Variants in ATMIN observed in about 807,000 individuals in gnomAD.
The protein encoded by ATMIN is ATM INteracting protein.
ATMIN carries 24 observed loss-of-function variants against 49.2 expected under a neutral mutation model. The ratio of observed to expected loss-of-function variants is 0.49; its 90% CI spans 0.35 to 0.69. ATMIN has a LOEUF of 0.69. ATMIN is among the 30% of genes least tolerant of loss of function. The probability of loss-of-function intolerance (pLI) is 0.00; values close to 1 mark genes in which losing one functional copy is unlikely to be tolerated. For missense variants in ATMIN, 1,037 were observed against 1,005.5 expected, an observed-to-expected ratio of 1.03 and a Z score of -0.42; for synonymous variants, 450 against 392.5, an observed-to-expected ratio of 1.15 and a Z score of -1.73.
At chr16:81,043,033 A>G in intron 3 of ATMIN, 128 bp from the exon 4 acceptor site, 4 of 1,177,222 alleles carry the variant, frequency 3.4e-6, no homozygotes, top group Non-Finnish European at 4.7e-6. Context: ...GAATGGATTT[A>G]TCTTGTCTGG....
chr16:81,037,404 C>A, intron 1 of ATMIN: 1 of 985,408 alleles, frequency 1.0e-6, no homozygotes, highest in Non-Finnish European at 1.2e-6. Flanking sequence ...TCTGCTCTTA[C>A]CACCATCTAA....
At chr16:81,037,547 C>T (rs1381405105) in intron 1 of ATMIN, 1 of 948,340 alleles carries the variant, frequency 1.1e-6, no homozygotes, top group Non-Finnish European at 1.3e-6. Context: ...TTTCAGCACT[C>T]AAGTGTAACT....
intron 1 of ATMIN, chr16:81,037,426 A>G (rs1159829632): frequency 3.0e-6 from 3 of 985,482 alleles, no homozygotes; most frequent in African/African-American, 1.7e-5. Context: ...CCGGGATGCA[A>G]CAACGTTCTC....
rs777497204 is a variant in ATMIN at position 81,036,169 on chromosome 16, C to A, written c.299C>A (p.Ala100Glu). 2.0e-6 allele frequency: 3 copies of A among 1,475,138 alleles called. No individual in the cohort carries two copies. The highest frequency in any genetic ancestry group is 1.8e-6 in the Non-Finnish European group (2 of 1,107,898). 91.4% of individuals were successfully genotyped at this position (1,475,138 alleles called of 1,614,324 possible). A position where few individuals can be genotyped will look rare whatever the true frequency, so the allele number is the denominator to read the frequency against. Residue 100 changes from alanine (A) to glutamate (E), a missense_variant, in exon 1 of 4, where the codon GCG (alanine) becomes GAG (glutamate). Transcript: ENST00000299575. ...GGCAAGATCCTGCCCAACAGCCCCG[C>A]GCTCAACATGCACCTAGTCAAGAGC... ...GCGKILPNSP[A>E]LNMHLVKSHR... is the part of the protein sequence containing the mutation.
intron 2 of ATMIN, 63 bp from the exon 3 acceptor site, chr16:81,042,218 G>C: frequency 7.1e-7 from 1 of 1,408,594 alleles, no homozygotes; most frequent in South Asian, 1.2e-5. Flanking sequence ...GGTGTATGAT[G>C]GTTTCTGAAA....
rs1477937067 is a variant in ATMIN at position 81,044,036 on chromosome 16, T to A, written c.1538T>A (p.Met513Lys). 1.2e-6 allele frequency: 2 copies of A among 1,614,246 alleles called. No individual in the cohort carries two copies. Among genetic ancestry groups the A allele is most frequent in the Admixed American group, 3.3e-5 (2 of 60,028 alleles). Residue 513 changes from methionine to lysine, a missense_variant, in exon 4 of 4, where the codon ATG (methionine) becomes AAG (lysine). Met to Lys is a moderately conservative substitution (Grantham distance 95). Transcript: ENST00000299575. ...CATGTACAGATGGACCAAGCTGGAA[T>A]GTGCGGAGACATTTTTGAGAGTGTT... is the stretch of plus-strand genomic sequence containing the variant. ...DDHVQMDQAGMCGDIFESVHS... is the reference protein window; with the variant it reads ...DDHVQMDQAGKCGDIFESVHS...
rs557093743 is a variant in ATMIN, at chr16:81,040,460, T to G, written c.337-896T>G. Reference sequence around the variant, plus strand: ...ACTTAGACTGTCTTCAGTGGTCTCTTACCCAGGCATGATAGTTTTGGCTTA... The same window carrying G: ...ACTTAGACTGTCTTCAGTGGTCTCTGACCCAGGCATGATAGTTTTGGCTTA... On this transcript the variant is annotated intron_variant, in intron 1 of 3. Transcript: ENST00000299575. 2.0e-5 allele frequency: 3 copies of G among 152,368 alleles called. No individual in the cohort carries two copies. In the East Asian group the frequency reaches 5.8e-4, roughly 29 times the overall value. The allele number at this position is 152,368 out of a possible 1,614,324, so 9.4% of individuals were successfully genotyped here. A position where few individuals can be genotyped will look rare whatever the true frequency, so the allele number is the denominator to read the frequency against.
chr16:81,037,304 C>T, intron 1 of ATMIN: 2 of 985,398 alleles, frequency 2.0e-6, no homozygotes, highest in Admixed American at 1.2e-4. Flanking sequence ...TTCTGTCTGC[C>T]CATAGTCAGG....
At chr16:81,037,087 G>C in intron 1 of ATMIN, 1 of 751,538 alleles carries the variant, frequency 1.3e-6, no homozygotes, top group Non-Finnish European at 1.6e-6. Context: ...GGACACATCT[G>C]TGACAAGCTT....
In ATMIN at chr16:81,045,259, A is replaced by C; in HGVS notation, c.*289A>C. 1 of 363,058 alleles carries C rather than the reference A, an allele frequency of 2.8e-6. No individual in the cohort carries two copies. The highest frequency in any genetic ancestry group is 4.9e-6 in the Non-Finnish European group (1 of 202,074). The allele number at this position is 363,058 out of a possible 1,614,324, so 22.5% of individuals were successfully genotyped here. On this transcript the variant is annotated 3_prime_UTR_variant, in exon 4 of 4. Coordinates refer to ENST00000299575, the MANE Select transcript of ATMIN (RefSeq NM_015251.3). Reference sequence around the variant, plus strand: ...AAAAAATGTATTTCATATCTATAAAACCTATATAGCCATTTAGCTGAAGCC... The same window carrying C: ...AAAAAATGTATTTCATATCTATAAACCCTATATAGCCATTTAGCTGAAGCC...
rs1971065434 is a variant in ATMIN at position 81,043,261 on chromosome 16, C to G, written c.763C>G (p.Pro255Ala). 1.9e-6 allele frequency: 3 copies of G among 1,614,142 alleles called. No individual in the cohort carries two copies. The highest frequency in any genetic ancestry group is 1.3e-5 in the African/African-American group (1 of 75,040). The part of the protein sequence containing the change: ...ESLNNQPIPR[P>A]DTQELEASEI... ...ATTGAACAACCAACCAATCCCTAGA[C>G]CAGACACTCAAGAACTAGAAGCTTC... is the stretch of plus-strand genomic sequence containing the variant. Residue 255 changes from proline to alanine, a missense_variant, in exon 4 of 4, where the codon CCA becomes GCA. Pro to Ala is a conservative substitution (Grantham distance 27, BLOSUM62 -1). Transcript: ENST00000299575.
At position 81,046,665 on chromosome 16, in the gene ATMIN, C is replaced by CACACACACACACAA. The variant is rs1971126849; in HGVS notation, c.*1708_*1709insAACACACACACACA. 1 of 144,454 alleles carries CACACACACACACAA rather than the reference C, an allele frequency of 6.9e-6. No homozygotes were observed. The highest frequency in any genetic ancestry group is 1.5e-5 in the Non-Finnish European group (1 of 65,568). 8.9% of individuals were successfully genotyped at this position (144,454 alleles called of 1,614,324 possible). A position where few individuals can be genotyped will look rare whatever the true frequency, so the allele number is the denominator to read the frequency against. ...AGCCTGTAAGTTCTCCACATTGACA[C>CACACACACACACAA]ACACACACACACACACACACACACA... On this transcript the variant is annotated 3_prime_UTR_variant, in exon 4 of 4. Coordinates refer to ENST00000299575, the MANE Select transcript of ATMIN (RefSeq NM_015251.3).
chr16:81,037,188 G>T (rs780379851), intron 1 of ATMIN: 21 of 985,324 alleles, frequency 2.1e-5, no homozygotes, highest in Non-Finnish European at 2.4e-5. Context: ...CACCACTCTA[G>T]GCCAGCAGTG....
chr16:81,038,596 T>C (rs576813802), intron 1 of ATMIN, among the ~76,000 whole-genome samples: 1 of 152,346 alleles, frequency 6.6e-6, no homozygotes, highest in African/African-American at 2.4e-5. Flanking sequence ...GTTGTCTGTG[T>C]GATGCAATAG....
rs180861974 is a variant in ATMIN, at chr16:81,044,943, G to A, written c.2445G>A (p.Ala815=). The part of the protein sequence containing the change: ...QFSSVETQTS[A]EPHTVSNF ...GCTCTGTAGAAACCCAGACTTCTGC[G>A]GAACCACACACAGTCTCCAACTTCT... The change falls in exon 4 of 4, where the codon GCG becomes GCA. Residue 815 remains alanine, a synonymous_variant. Transcript: ENST00000299575. The A allele has an allele frequency of 1.9e-4, 308 of 1,613,688 alleles. No homozygotes were observed. Among genetic ancestry groups the A allele is most frequent in the Non-Finnish European group, 2.4e-4 (285 of 1,179,682 alleles).
chr16:81,043,300 G>A lies in ATMIN; in HGVS notation c.802G>A (p.Glu268Lys). 1.9e-6 allele frequency: 3 copies of A among 1,614,054 alleles called. No individual in the cohort carries two copies. The highest frequency in any genetic ancestry group is 2.5e-6 in the Non-Finnish European group (3 of 1,179,994). The change falls in exon 4 of 4, where the codon GAA becomes AAA. Residue 268 changes from glutamate (E) to lysine (K), a missense_variant. By Grantham distance (56) the Glu-to-Lys change is moderately conservative. Coordinates refer to ENST00000299575, the MANE Select transcript of ATMIN (RefSeq NM_015251.3). ...QELEASEIKL[E>K]PSFEDSCGSN... ...ACTAGAAGCTTCAGAAATAAAGCTA[G>A]AACCATCTTTTGAAGACTCTTGTGG... is the stretch of plus-strand genomic sequence containing the variant.
chr16:81,038,867 C>G (rs1880600886), intron 1 of ATMIN, among the ~76,000 whole-genome samples: 1 of 152,168 alleles, frequency 6.6e-6, no homozygotes, highest in Non-Finnish European at 1.5e-5. Flanking sequence ...ATGATCTCGG[C>G]TCACTGCAAC....
rs1395491696 is a variant in ATMIN, at chr16:81,045,318, A to C, written c.*348A>C. On this transcript the variant is annotated 3_prime_UTR_variant, in exon 4 of 4. Coordinates refer to ENST00000299575, the MANE Select transcript of ATMIN (RefSeq NM_015251.3). ...CAGGTTCAAGGGTACAAACTTCTCA[A>C]ATCTTCAAAACATTTTAGTCAAAGT... 1.9e-5 allele frequency: 4 copies of C among 212,662 alleles called. No homozygotes were observed. The Admixed American group carries it at 2.1e-4, about 11-fold the overall frequency. The allele number at this position is 212,662 out of a possible 1,614,324, so 13.2% of individuals were successfully genotyped here. A position where few individuals can be genotyped will look rare whatever the true frequency, so the allele number is the denominator to read the frequency against.
intron 1 of ATMIN, chr16:81,040,754 G>C (rs2241408): frequency 0.02 from 3,145 of 153,950 alleles, 59 homozygotes; most frequent in East Asian, 0.056. Flanking sequence ...AACGTTTGAG[G>C]GAGGTAATGA....
Sources: allele counts gnomAD v4.1 joint callset (sites outside exome capture counted in the v4.1 genomes callset), GRCh38; gene constraint gnomAD v4.1.1; transcripts MANE v1.5; gene names NCBI Gene and HGNC (gene_info 2026-07-23, HGNC 2026-07-21).